Variants in ACOXL observed in about 807,000 individuals in gnomAD.
ACOXL encodes acyl-coenzyme A oxidase-like protein.
A neutral mutation model predicts 71.9 loss-of-function variants in ACOXL; 70 were observed. The observed-to-expected ratio is 0.97, with a 90% CI of 0.80 to 1.19. The LOEUF (loss-of-function observed/expected upper bound fraction) is 1.19, where lower values mean the gene tolerates loss of function less well. Among genes scored for constraint, ACOXL ranks in the 50% most tolerant of loss-of-function variants. The pLI is 0.00. For missense variants in ACOXL, 703 were observed against 736.3 expected, an observed-to-expected ratio of 0.95 and a Z score of 0.52; for synonymous variants, 253 against 281.6, an observed-to-expected ratio of 0.90 and a Z score of 1.02.
rs148777357 is a variant in ACOXL at position 110,894,124 on chromosome 2, C to A, written c.789-14665C>A. Among the ~76,000 whole-genome samples the A allele has an allele frequency of 3.6e-3, 541 of 152,154 alleles. 9 individuals carry two copies. The highest frequency in any genetic ancestry group is 0.012 in the African/African-American group (514 of 41,520). On this transcript the variant is annotated intron_variant, in intron 10 of 17. Transcript: ENST00000439055. Reference sequence around the variant, plus strand: ...TGAAACCTGCAATAGAACTTACTTCCAGGAAAATGTAGTGGGTATACTTTT... The same window carrying A: ...TGAAACCTGCAATAGAACTTACTTCAAGGAAAATGTAGTGGGTATACTTTT...
chr2:110,981,514 T>A (rs1431891309), intron 12 of ACOXL, among the ~76,000 whole-genome samples: 2 of 152,176 alleles, frequency 1.3e-5, no homozygotes, highest in African/African-American at 4.8e-5. Context: ...TTAAATTAGG[T>A]ATTCCATCTA....
At chr2:110,791,293 A>G (rs1298750435) in intron 3 of ACOXL, among the ~76,000 whole-genome samples, 1 of 152,236 alleles carries the variant, frequency 6.6e-6, no homozygotes, top group Non-Finnish European at 1.5e-5. Flanking sequence ...CTACTAAGAC[A>G]TTTAGTGAAT....
chr2:110,982,827 C>T (rs2062771388), intron 12 of ACOXL, among the ~76,000 whole-genome samples: 1 of 152,202 alleles, frequency 6.6e-6, no homozygotes, highest in Non-Finnish European at 1.5e-5. Context: ...CCAGGGCCAG[C>T]TTCATGGGGT....
intron 15 of ACOXL, among the ~76,000 whole-genome samples, chr2:111,046,689 C>T (rs931389933): frequency 1.3e-5 from 2 of 152,170 alleles, no homozygotes; most frequent in African/African-American, 2.4e-5. Context: ...ACTGTGTCCC[C>T]TCCCGTGACA....
intron 12 of ACOXL, among the ~76,000 whole-genome samples, chr2:110,944,810 C>T (rs1275801307): frequency 2.0e-5 from 3 of 152,096 alleles, no homozygotes; most frequent in East Asian, 1.9e-4. Context: ...TGAACATACG[C>T]GTGCATGTGT....
intron 10 of ACOXL, among the ~76,000 whole-genome samples, chr2:110,866,894 T>C (rs756582469): frequency 4.6e-5 from 7 of 152,146 alleles, no homozygotes; most frequent in Non-Finnish European, 8.8e-5. Context: ...TGGAGCCTCC[T>C]GTCTGGTCTG....
intron 2 of ACOXL, among the ~76,000 whole-genome samples, chr2:110,771,112 C>T (rs912040669): frequency 6.6e-6 from 1 of 152,126 alleles, no homozygotes; most frequent in Non-Finnish European, 1.5e-5. Flanking sequence ...ATTATCTCGG[C>T]CTGTTTGGCA....
intron 1 of ACOXL, among the ~76,000 whole-genome samples, chr2:110,757,271 G>A (rs1312272856): frequency 3.3e-5 from 5 of 152,124 alleles, no homozygotes; most frequent in Non-Finnish European, 5.9e-5. Flanking sequence ...TGGTATATAT[G>A]TACCACATTT....
At chr2:110,835,955 C>G (rs1690408089) in intron 9 of ACOXL, among the ~76,000 whole-genome samples, 1 of 152,178 alleles carries the variant, frequency 6.6e-6, no homozygotes. Context: ...GTAACATTAT[C>G]CTCATTTCAC....
chr2:111,049,428 G>A (rs1463550196), intron 16 of ACOXL, 140 bp downstream of exon 16: 15 of 675,742 alleles, frequency 2.2e-5, no homozygotes, highest in East Asian at 8.3e-5. Flanking sequence ...TGTCATAGGC[G>A]AATTGGAGGG....
chr2:111,039,287 C>T lies in ACOXL; in HGVS notation c.1369+7573C>T, dbSNP rs139545732. Among the ~76,000 whole-genome samples, 57 of 152,236 alleles carry T rather than the reference C, an allele frequency of 3.7e-4. No homozygotes were observed. In the East Asian group the frequency reaches 0.011, roughly 28 times the overall value. On this transcript the variant is annotated intron_variant, in intron 15 of 17. Transcript: ENST00000439055. ...GCCAGGAGGAAAAATAGTGCTTTGT[C>T]TCCTCTTTATGAATTTACCTCTCTC...
intron 14 of ACOXL, among the ~76,000 whole-genome samples, chr2:111,017,400 C>T (rs886856175): frequency 1.2e-4 from 18 of 152,244 alleles, no homozygotes; most frequent in Non-Finnish European, 2.2e-4. Flanking sequence ...TGTCAGACCA[C>T]ACGCCCTCAC....
intron 10 of ACOXL, among the ~76,000 whole-genome samples, chr2:110,893,058 G>C (rs1201858328): frequency 6.6e-6 from 1 of 152,136 alleles, no homozygotes; most frequent in Non-Finnish European, 1.5e-5. Context: ...AGTACAATAA[G>C]TGACCCAACA....
chr2:110,927,114 C>T (rs1420132697), intron 11 of ACOXL, among the ~76,000 whole-genome samples: 1 of 152,114 alleles, frequency 6.6e-6, no homozygotes, highest in Non-Finnish European at 1.5e-5. Context: ...GGGAAGCAAG[C>T]ACCTTTTTCC....
At chr2:110,739,920 GC>G (rs1677305613) in intron 1 of ACOXL, among the ~76,000 whole-genome samples, 1 of 152,168 alleles carries the variant, frequency 6.6e-6, no homozygotes, top group South Asian at 2.1e-4. Flanking sequence ...GTGGTTTTAT[GC>G]CATAAATCAT....
chr2:110,888,635 G>C (rs142224213), intron 10 of ACOXL, among the ~76,000 whole-genome samples: 2 of 152,254 alleles, frequency 1.3e-5, no homozygotes, highest in East Asian at 3.9e-4. Context: ...TGTCTTGACA[G>C]TAGTGCTAGA....
chr2:110,963,568 T>C (rs1428577719), intron 12 of ACOXL: 3 of 206,242 alleles, frequency 1.5e-5, no homozygotes, highest in African/African-American at 1.4e-4. Flanking sequence ...ATTTGAAATG[T>C]GTGTGTGTGT....
chr2:110,740,677 G>C (rs986903265), intron 1 of ACOXL, among the ~76,000 whole-genome samples: 1 of 152,144 alleles, frequency 6.6e-6, no homozygotes, highest in African/African-American at 2.4e-5. Context: ...TTGGATGTAG[G>C]GTCCAGACCT....
intron 14 of ACOXL, among the ~76,000 whole-genome samples, chr2:111,030,581 C>G (rs540113876): frequency 6.6e-6 from 1 of 152,274 alleles, no homozygotes; most frequent in South Asian, 2.1e-4. Flanking sequence ...AGGGATTTTA[C>G]ATGTGGATCT....
Sources: gnomAD v4.1 joint callset for allele counts (sites outside exome capture counted in the v4.1 genomes callset) on GRCh38, gnomAD v4.1.1 for gene constraint, MANE v1.5 for transcripts, NCBI Gene and HGNC (gene_info 2026-07-23, HGNC 2026-07-21) for gene names.